Variants in YY2 observed in about 807,000 individuals in gnomAD.
The protein encoded by YY2 is YY2 transcription factor.
For missense variants in YY2, 254 were observed against 305.3 expected (o/e 0.83, Z 1.25); for synonymous variants, 157 against 131.2 (o/e 1.20, Z -1.35).
Position 21,856,924 on chromosome X carries a change from G to T in YY2, c.440G>T (p.Gly147Val), listed in dbSNP as rs777538519. Residue 147 changes from glycine (G) to valine (V), a missense_variant, in exon 1 of 1, where the codon GGC becomes GTC. Physicochemically the swap from Gly to Val is moderately radical, Grantham distance 109. Coordinates refer to ENST00000429584, the MANE Select transcript of YY2 (RefSeq NM_206923.4). ...RSKKPSKKPS[G>V]KSATSTEANP... Reference sequence around the variant, plus strand: ...AAAAAGCCCAGCAAAAAGCCCAGCGGCAAGAGTGCCACCAGCACTGAGGCC... The same window carrying T: ...AAAAAGCCCAGCAAAAAGCCCAGCGTCAAGAGTGCCACCAGCACTGAGGCC... 8.3e-7 allele frequency: 1 copy of T among 1,212,012 alleles called. No individual in the cohort carries two copies. The highest frequency in any genetic ancestry group is 1.8e-5 in the South Asian group (1 of 56,993).
Position 21,856,694 on chromosome X carries a change from C to G in YY2, c.210C>G (p.Gly70=). Residue 70 remains glycine (G), a synonymous_variant, in exon 1 of 1, where the codon GGC becomes GGG. Transcript: ENST00000429584. ...MVLQPLFTNT[G]YGDHDQEMLM... is the part of the protein sequence containing the mutation. ...TGCAGCCGCTCTTCACGAACACGGGCTATGGCGACCACGACCAGGAAATGC... is the reference window on the plus strand; with the variant it reads ...TGCAGCCGCTCTTCACGAACACGGGGTATGGCGACCACGACCAGGAAATGC... 1.7e-6 allele frequency: 2 copies of G among 1,211,717 alleles called. No homozygotes were observed. The highest frequency in any genetic ancestry group is 2.3e-4 in the Middle Eastern group (1 of 4,353).
chrX:21,856,060 G>A lies in YY2; in HGVS notation c.-425G>A, dbSNP rs73195142. 0.11 allele frequency: 14,803 copies of A among 139,326 alleles called. 621 individuals are homozygous for A. Among genetic ancestry groups the A allele is most frequent in the East Asian group, 0.13 (661 of 5,015 alleles). The allele number at this position is 139,326 out of a possible 1,213,427, so 11.5% of individuals were successfully genotyped here. On this transcript the variant is annotated 5_prime_UTR_variant, in exon 1 of 1. Transcript: ENST00000429584. ...ACTGTTATATGGGATGGACAGGAGG[G>A]GAAGACATGAAAATCAACTAAAATG...
chrX:21,856,855 C>T lies in YY2; in HGVS notation c.371C>T (p.Ser124Leu), dbSNP rs767015419. 8.3e-7 allele frequency: 1 copy of T among 1,211,015 alleles called. No individual in the cohort carries two copies. Among genetic ancestry groups the T allele is most frequent in the Non-Finnish European group, 1.1e-6 (1 of 895,290 alleles). ...EHFQMTLASL[S>L]ASAASTSTST... ...TTCCAGATGACCCTGGCCTCTCTGTCGGCCTCGGCGGCATCAACATCAACA... is the reference window on the plus strand; with the variant it reads ...TTCCAGATGACCCTGGCCTCTCTGTTGGCCTCGGCGGCATCAACATCAACA... The change falls in exon 1 of 1, where the codon TCG (serine) becomes TTG (leucine). Residue 124 changes from serine to leucine, a missense_variant. Transcript: ENST00000429584.
At position 21,857,653 on chromosome X, in the gene YY2, T is replaced by C. The variant is rs752192746; in HGVS notation, c.*50T>C. The C allele has an allele frequency of 8.0e-6, 9 of 1,125,320 alleles. No homozygotes were observed. The highest frequency in any genetic ancestry group is 1.2e-6 in the Non-Finnish European group (1 of 841,211). The allele number at this position is 1,125,320 out of a possible 1,213,427, so 92.7% of individuals were successfully genotyped here. A position where few individuals can be genotyped will look rare whatever the true frequency, so the allele number is the denominator to read the frequency against. On this transcript the variant is annotated 3_prime_UTR_variant, in exon 1 of 1. Transcript: ENST00000429584. ...TGGGAATTATCTTCCAGGACTGCGGTAGGGAATAAATATGCCTCTCAAAGC... is the reference window on the plus strand; with the variant it reads ...TGGGAATTATCTTCCAGGACTGCGGCAGGGAATAAATATGCCTCTCAAAGC...
Position 21,857,808 on chromosome X carries a change from G to A in YY2, c.*205G>A. The A allele has an allele frequency of 2.4e-6, 1 of 412,519 alleles. No individual in the cohort carries two copies. Among genetic ancestry groups the A allele is most frequent in the Non-Finnish European group, 4.0e-6 (1 of 250,167 alleles). The allele number at this position is 412,519 out of a possible 1,213,427, so 34.0% of individuals were successfully genotyped here. ...GTAAACCTTGACATAAGATAATAGT[G>A]CTAAGATGCCATAGCTTGTTCTGTA... is the stretch of plus-strand genomic sequence containing the variant. On this transcript the variant is annotated 3_prime_UTR_variant, in exon 1 of 1. Coordinates refer to ENST00000429584, the MANE Select transcript of YY2 (RefSeq NM_206923.4).
rs776917189 is a variant in YY2, at chrX:21,856,267, C to G, written c.-218C>G. 2.2e-5 allele frequency: 9 copies of G among 416,296 alleles called. No homozygotes were observed. The African/African-American group carries it at 2.3e-4, about 10-fold the overall frequency. 34.3% of individuals were successfully genotyped at this position (416,296 alleles called of 1,213,427 possible). A position where few individuals can be genotyped will look rare whatever the true frequency, so the allele number is the denominator to read the frequency against. ...AAGCACCTGCGCCTTCCGGCTCGTG[C>G]TTTCCTCAGTCTCGCGCCTTTCTCT... On this transcript the variant is annotated 5_prime_UTR_variant, in exon 1 of 1. Coordinates refer to ENST00000429584, the MANE Select transcript of YY2 (RefSeq NM_206923.4).
Position 21,856,513 on chromosome X carries a change from C to T in YY2, c.29C>T (p.Thr10Ile), listed in dbSNP as rs1016886887. Residue 10 changes from threonine (T) to isoleucine (I), a missense_variant, in exon 1 of 1, where the codon ACA (threonine) becomes ATA (isoleucine). Physicochemically the swap from Thr to Ile is moderately conservative, Grantham distance 89 (BLOSUM62 -1). Transcript: ENST00000429584. MASNEDFSI[T>I]QDLEIPADIV... ...GCCTCCAACGAAGATTTCTCCATCACACAAGACCTGGAGATCCCGGCAGAT... is the reference window on the plus strand; with the variant it reads ...GCCTCCAACGAAGATTTCTCCATCATACAAGACCTGGAGATCCCGGCAGAT... 1 of 1,208,797 alleles carries T rather than the reference C, an allele frequency of 8.3e-7. No individual in the cohort carries two copies. The highest frequency in any genetic ancestry group is 1.7e-5 in the African/African-American group (1 of 57,164).
chrX:21,856,293 GCAGCTCGCGCCTTTCT>G lies in YY2; in HGVS notation c.-190_-175del. 3 of 266,353 alleles carry G rather than the reference GCAGCTCGCGCCTTTCT, an allele frequency of 1.1e-5. No individual in the cohort carries two copies. The highest frequency in any genetic ancestry group is 5.0e-5 in the South Asian group (1 of 19,887). The allele number at this position is 266,353 out of a possible 1,213,427, so 22.0% of individuals were successfully genotyped here. On this transcript the variant is annotated 5_prime_UTR_variant, in exon 1 of 1. An upstream open reading frame in the 5' UTR gains an earlier in-frame stop. Coordinates refer to ENST00000429584, the MANE Select transcript of YY2 (RefSeq NM_206923.4). ...TTTCCTCAGTCTCGCGCCTTTCTCT[GCAGCTCGCGCCTTTCT>G]CTGCAGCTCGCGCCTTTCTCTGCAG...
chrX:21,857,039 G>A lies in YY2; in HGVS notation c.555G>A (p.Val185=). 1.7e-6 allele frequency: 2 copies of A among 1,211,908 alleles called. No homozygotes were observed. Among genetic ancestry groups the A allele is most frequent in the Non-Finnish European group, 2.2e-6 (2 of 895,578 alleles). The change falls in exon 1 of 1, where the codon GTG becomes GTA. Residue 185 remains valine (V), a synonymous_variant. Coordinates refer to ENST00000429584, the MANE Select transcript of YY2 (RefSeq NM_206923.4). ...QVKTLEGEFS[V]TMWSPNDNND... is the part of the protein sequence containing the mutation. Reference sequence around the variant, plus strand: ...AAACGCTGGAGGGTGAGTTTTCCGTGACTATGTGGTCCCCTAACGATAACA... The same window carrying A: ...AAACGCTGGAGGGTGAGTTTTCCGTAACTATGTGGTCCCCTAACGATAACA...
In YY2 at chrX:21,856,864, C is replaced by T. The variant is rs371573327; in HGVS notation, c.380C>T (p.Ala127Val). 18 of 1,209,535 alleles carry T rather than the reference C, an allele frequency of 1.5e-5. No homozygotes were observed. The highest frequency in any genetic ancestry group is 5.3e-5 in the African/African-American group (3 of 57,033). The change falls in exon 1 of 1, where the codon GCG becomes GTG. Residue 127 changes from alanine to valine, a missense_variant. Transcript: ENST00000429584. ...QMTLASLSAS[A>V]ASTSTSTQSR... ...ACCCTGGCCTCTCTGTCGGCCTCGG[C>T]GGCATCAACATCAACATCAACCCAG...
In YY2 at chrX:21,856,329, C is replaced by T. The variant is rs2092921834; in HGVS notation, c.-156C>T. ...CTTTCTCTGCAGCTCGCGCCTTTCT[C>T]TGCAGCTCGCGCCTTTCTCTGCAGC... is the stretch of plus-strand genomic sequence containing the variant. On this transcript the variant is annotated 5_prime_UTR_variant, in exon 1 of 1. Transcript: ENST00000429584. The T allele has an allele frequency of 2.0e-6, 1 of 495,873 alleles. No homozygotes were observed. Among genetic ancestry groups the T allele is most frequent in the Non-Finnish European group, 3.4e-6 (1 of 291,921 alleles). 40.9% of individuals were successfully genotyped at this position (495,873 alleles called of 1,213,427 possible).
rs142303954 is a variant in YY2, at chrX:21,857,216, A to C, written c.732A>C (p.Lys244Asn). 8.3e-7 allele frequency: 1 copy of C among 1,210,223 alleles called. No individual in the cohort carries two copies. Among genetic ancestry groups the C allele is most frequent in the East Asian group, 3.0e-5 (1 of 33,781 alleles). ...CAGAATTTACTAAAGTGAAGCCCAA[A>C]AGGTCCAAAGGAGAACCTCCCAAAA... ...QLAEFTKVKP[K>N]RSKGEPPKTV... Residue 244 changes from lysine to asparagine, a missense_variant, in exon 1 of 1, where the codon AAA (lysine) becomes AAC (asparagine). Physicochemically the swap from Lys to Asn is moderately conservative, Grantham distance 94 (BLOSUM62 0). Transcript: ENST00000429584.
Position 21,856,404 on chromosome X carries a change from T to C in YY2, c.-81T>C, listed in dbSNP as rs2092922417. ...CCTTCCTCTGCAGCTCGCCCCTTCC[T>C]CTGCAGCTCCCACCTCACTCCCCTC... On this transcript the variant is annotated 5_prime_UTR_variant, in exon 1 of 1. Transcript: ENST00000429584. 1 of 1,088,106 alleles carries C rather than the reference T, an allele frequency of 9.2e-7. No homozygotes were observed. The highest frequency in any genetic ancestry group is 1.9e-5 in the African/African-American group (1 of 53,445). The allele number at this position is 1,088,106 out of a possible 1,213,427, so 89.7% of individuals were successfully genotyped here.
chrX:21,857,491 C>G lies in YY2; in HGVS notation c.1007C>G (p.Thr336Ser), dbSNP rs371944531. Residue 336 changes from threonine to serine, a missense_variant, in exon 1 of 1, where the codon ACC becomes AGC. Thr to Ser is a moderately conservative substitution (Grantham distance 58, BLOSUM62 1). Transcript: ENST00000429584. ...FNLRTHLRIHTGDKPFVCPFD... is the reference protein window; with the variant it reads ...FNLRTHLRIHSGDKPFVCPFD... Reference sequence around the variant, plus strand: ...TTGCGCACACACTTGCGCATCCACACCGGCGATAAGCCCTTCGTGTGCCCC... The same window carrying G: ...TTGCGCACACACTTGCGCATCCACAGCGGCGATAAGCCCTTCGTGTGCCCC... 1.7e-5 allele frequency: 20 copies of G among 1,210,611 alleles called. No individual in the cohort carries two copies. Among genetic ancestry groups the G allele is most frequent in the Non-Finnish European group, 2.0e-5 (18 of 895,439 alleles).
Position 21,858,613 on chromosome X carries a change from G to A in YY2, c.*1010G>A, listed in dbSNP as rs1327310709. On this transcript the variant is annotated 3_prime_UTR_variant, in exon 1 of 1. Transcript: ENST00000429584. ...TTTGGCTAAAATGCCAATAGTGTCA[G>A]GTGCAGGGGCTCAGGCCTGTAATGT... is the stretch of plus-strand genomic sequence containing the variant. The A allele has an allele frequency of 1.6e-5, 2 of 122,860 alleles. No individual in the cohort carries two copies. The highest frequency in any genetic ancestry group is 5.6e-4 in the East Asian group (2 of 3,567). 10.1% of individuals were successfully genotyped at this position (122,860 alleles called of 1,213,427 possible).
chrX:21,857,405 C>T lies in YY2; in HGVS notation c.921C>T (p.Gly307=). 10 of 1,212,238 alleles carry T rather than the reference C, an allele frequency of 8.2e-6. No homozygotes were observed. Among genetic ancestry groups the T allele is most frequent in the Non-Finnish European group, 1.1e-5 (10 of 895,616 alleles). ...GACGACACCAGCTGGTCCACACCGG[C>T]GAGAAGCCCTTTCAGTGCACATTCG... ...KLRRHQLVHT[G]EKPFQCTFEG... The change falls in exon 1 of 1, where the codon GGC becomes GGT. Residue 307 remains glycine, a synonymous_variant. Coordinates refer to ENST00000429584, the MANE Select transcript of YY2 (RefSeq NM_206923.4).
At position 21,858,604 on chromosome X, in the gene YY2, A is replaced by T. The variant is rs921115746; in HGVS notation, c.*1001A>T. On this transcript the variant is annotated 3_prime_UTR_variant, in exon 1 of 1. Transcript: ENST00000429584. ...ACATAATTATTTGGCTAAAATGCCA[A>T]TAGTGTCAGGTGCAGGGGCTCAGGC... 1 of 123,004 alleles carries T rather than the reference A, an allele frequency of 8.1e-6. No individual in the cohort carries two copies. The highest frequency in any genetic ancestry group is 3.3e-5 in the African/African-American group (1 of 30,737). 10.1% of individuals were successfully genotyped at this position (123,004 alleles called of 1,213,427 possible). A position where few individuals can be genotyped will look rare whatever the true frequency, so the allele number is the denominator to read the frequency against.
In YY2 at chrX:21,857,652, G is replaced by A. The variant is rs759188549; in HGVS notation, c.*49G>A. ...TTGGGAATTATCTTCCAGGACTGCG[G>A]TAGGGAATAAATATGCCTCTCAAAG... is the stretch of plus-strand genomic sequence containing the variant. On this transcript the variant is annotated 3_prime_UTR_variant, in exon 1 of 1. Transcript: ENST00000429584. 9 of 1,125,303 alleles carry A rather than the reference G, an allele frequency of 8.0e-6. No individual in the cohort carries two copies. The South Asian group carries it at 8.6e-5, about 11-fold the overall frequency. The allele number at this position is 1,125,303 out of a possible 1,213,427, so 92.7% of individuals were successfully genotyped here. A position where few individuals can be genotyped will look rare whatever the true frequency, so the allele number is the denominator to read the frequency against.
Position 21,856,387 on chromosome X carries a change from T to C in YY2, c.-98T>C. On this transcript the variant is annotated 5_prime_UTR_variant, in exon 1 of 1. Coordinates refer to ENST00000429584, the MANE Select transcript of YY2 (RefSeq NM_206923.4). ...TTTCTCTGCAGCTCGCCCCTTCCTC[T>C]GCAGCTCGCCCCTTCCTCTGCAGCT... 2 of 1,008,779 alleles carry C rather than the reference T, an allele frequency of 2.0e-6. No homozygotes were observed. The highest frequency in any genetic ancestry group is 2.2e-5 in the South Asian group (1 of 44,540). The allele number at this position is 1,008,779 out of a possible 1,213,427, so 83.1% of individuals were successfully genotyped here. A position where few individuals can be genotyped will look rare whatever the true frequency, so the allele number is the denominator to read the frequency against.
Sources: gnomAD v4.1 joint callset for allele counts on GRCh38, gnomAD v4.1.1 for gene constraint, MANE v1.5 for transcripts, NCBI Gene and HGNC (gene_info 2026-07-23, HGNC 2026-07-21) for gene names.